Variants in SMARCAD1 observed in about 807,000 individuals in gnomAD.
The protein encoded by SMARCAD1 is SWI/SNF-related matrix-associated actin-dependent regulator of chromatin subfamily A containing DEAD/H box 1.
A neutral mutation model predicts 127.1 loss-of-function variants in SMARCAD1; 25 were observed. That is an observed-to-expected ratio of 0.20 (90% CI 0.14 to 0.27). The LOEUF is 0.27. Ranked by LOEUF, SMARCAD1 falls within the 10% of genes least tolerant of loss-of-function variation. SMARCAD1 has a pLI of 1.00. For missense variants in SMARCAD1, 807 were observed against 1,206.0 expected (o/e 0.67, Z 4.90); for synonymous variants, 400 against 396.9 (o/e 1.01, Z -0.09).
At chr4:94,289,341 G>A in intron 23 of SMARCAD1, 132 bp from the exon 24 acceptor site, 2 of 748,332 alleles carry the variant, frequency 2.7e-6, no homozygotes, top group Non-Finnish European at 4.6e-6. Context: ...TTTAACAGGG[G>A]TGAGTGACAC....
intron 16 of SMARCAD1, among the ~76,000 whole-genome samples, chr4:94,278,070 C>G (rs1325747229): frequency 1.3e-5 from 2 of 152,122 alleles, no homozygotes; most frequent in Non-Finnish European, 2.9e-5. Context: ...TTTTCTACCC[C>G]CCACGCTCCT....
Position 94,278,748 on chromosome 4 carries a change from T to C in SMARCAD1, c.2296+15T>C, listed in dbSNP as rs200528750. 8.1e-5 allele frequency: 131 copies of C among 1,611,380 alleles called. No individual in the cohort carries two copies. The highest frequency in any genetic ancestry group is 6.6e-4 in the Middle Eastern group (4 of 6,048). Reference sequence around the variant, plus strand: ...CAATAACTTGGGTATAATCTGATTTTTACTCTTTTATGTGAAAAAGAATCT... The same window carrying C: ...CAATAACTTGGGTATAATCTGATTTCTACTCTTTTATGTGAAAAAGAATCT... On this transcript the variant is annotated intron_variant, in intron 18 of 23. Transcript: ENST00000354268.
At chr4:94,226,841 AGTTAGGGTCAG>A (rs1271634481) in intron 3 of SMARCAD1, among the ~76,000 whole-genome samples, 4 of 151,714 alleles carry the variant, frequency 2.6e-5, no homozygotes, top group African/African-American at 9.7e-5. Context: ...AGGAATAGGG[AGTTAGGGTCAG>A]GGAATCGTTT....
chr4:94,275,800 T>TATTTTTTTTA (rs1309423240), intron 14 of SMARCAD1, among the ~76,000 whole-genome samples: 5 of 141,172 alleles, frequency 3.5e-5, no homozygotes, highest in African/African-American at 1.3e-4. Flanking sequence ...CATTTTCTTT[T>TATTTTTTTTA]TTTTTTTTTT....
chr4:94,212,771 G>A (rs966785618), intron 2 of SMARCAD1, among the ~76,000 whole-genome samples: 5 of 152,138 alleles, frequency 3.3e-5, no homozygotes, highest in Non-Finnish European at 2.9e-5. Flanking sequence ...ACAGACATGA[G>A]CCACCACACC....
At chr4:94,249,829 A>G (rs897426271) in intron 7 of SMARCAD1, 74 bp downstream of exon 7, 15 of 861,076 alleles carry the variant, frequency 1.7e-5, no homozygotes, top group Admixed American at 7.2e-5. Flanking sequence ...TAAGAGTTCA[A>G]CCACATAAAA....
At position 94,291,068 on chromosome 4, in the gene SMARCAD1, C is replaced by T. The variant is rs1329450155; in HGVS notation, c.*1534C>T. ...TACTACCTCCTTGTACATCACTATA[C>T]CCAAATCAGTTATTCAAATTGTTAG... On this transcript the variant is annotated 3_prime_UTR_variant, in exon 24 of 24. Transcript: ENST00000354268. The T allele has an allele frequency of 2.2e-6, 1 of 446,458 alleles. No individual in the cohort carries two copies. Among genetic ancestry groups the T allele is most frequent in the Non-Finnish European group, 4.5e-6 (1 of 223,902 alleles). The allele number at this position is 446,458 out of a possible 1,614,324, so 27.7% of individuals were successfully genotyped here. A position where few individuals can be genotyped will look rare whatever the true frequency, so the allele number is the denominator to read the frequency against.
At chr4:94,272,754 C>G (rs1436841899) in intron 11 of SMARCAD1, among the ~76,000 whole-genome samples, 1 of 151,968 alleles carries the variant, frequency 6.6e-6, no homozygotes, top group African/African-American at 2.4e-5. Context: ...ATTTGTTGAT[C>G]TTCTTCTGTT....
chr4:94,222,599 A>G (rs1231924351), intron 2 of SMARCAD1, among the ~76,000 whole-genome samples: 1 of 152,224 alleles, frequency 6.6e-6, no homozygotes, highest in African/African-American at 2.4e-5. Context: ...CATAATGGGA[A>G]GTAAGCCAAA....
rs771733240 is a variant in SMARCAD1 at position 94,208,337 on chromosome 4, C to G, written c.-49-9C>G. 1 of 1,550,522 alleles carries G rather than the reference C, an allele frequency of 6.4e-7. No homozygotes were observed. The highest frequency in any genetic ancestry group is 8.9e-7 in the Non-Finnish European group (1 of 1,123,812). On this transcript the variant is annotated splice_polypyrimidine_tract_variant and intron_variant, in intron 1 of 23. Coordinates refer to ENST00000354268, the MANE Select transcript of SMARCAD1 (RefSeq NM_020159.5). ...GGCCTTTTTTCCTCTCTTTATTTTT[C>G]CCCTGCAGATAGTTCATTTAAAGCC...
At chr4:94,215,085 T>C (rs1249429264) in intron 2 of SMARCAD1, among the ~76,000 whole-genome samples, 1 of 152,218 alleles carries the variant, frequency 6.6e-6, no homozygotes, top group Non-Finnish European at 1.5e-5. Flanking sequence ...ATGATGATAC[T>C]GAATGTATCA....
intron 9 of SMARCAD1, among the ~76,000 whole-genome samples, chr4:94,258,969 T>C (rs776477531): frequency 4.3e-4 from 66 of 152,254 alleles, no homozygotes; most frequent in Non-Finnish European, 9.0e-4. Context: ...AAACTATTCT[T>C]CTTTTTTTGT....
At chr4:94,246,310 G>A (rs1447935711) in intron 6 of SMARCAD1, among the ~76,000 whole-genome samples, 4 of 151,880 alleles carry the variant, frequency 2.6e-5, no homozygotes, top group South Asian at 2.1e-4. Flanking sequence ...TAGTAGAAAC[G>A]GTGTTTCACT....
intron 23 of SMARCAD1, among the ~76,000 whole-genome samples, chr4:94,287,228 C>T (rs1406810513): frequency 6.6e-6 from 1 of 152,154 alleles, no homozygotes; most frequent in Non-Finnish European, 1.5e-5. Context: ...AATGGCGTCT[C>T]TTATTTACTC....
chr4:94,234,785 C>T (rs1174130137), intron 4 of SMARCAD1, among the ~76,000 whole-genome samples: 1 of 152,146 alleles, frequency 6.6e-6, no homozygotes, highest in Non-Finnish European at 1.5e-5. Flanking sequence ...TTTGTATTTT[C>T]ACCTTTGTAT....
chr4:94,258,999 C>A (rs939366314), intron 9 of SMARCAD1, among the ~76,000 whole-genome samples: 11 of 152,206 alleles, frequency 7.2e-5, no homozygotes, highest in African/African-American at 2.4e-4. Context: ...ATATCCATGC[C>A]CACCCTATAG....
intron 2 of SMARCAD1, among the ~76,000 whole-genome samples, chr4:94,209,639 T>G (rs1382269206): frequency 6.6e-6 from 1 of 152,252 alleles, no homozygotes; most frequent in Non-Finnish European, 1.5e-5. Context: ...CAAGTTATCA[T>G]TAGAATAACA....
At chr4:94,210,518 A>G (rs1742033687) in intron 2 of SMARCAD1, among the ~76,000 whole-genome samples, 1 of 152,214 alleles carries the variant, frequency 6.6e-6, no homozygotes, top group Non-Finnish European at 1.5e-5. Context: ...TTGAAGGGAA[A>G]GAAAACATTT....
intron 2 of SMARCAD1, among the ~76,000 whole-genome samples, chr4:94,211,582 A>C (rs1009775021): frequency 6.6e-6 from 1 of 152,242 alleles, no homozygotes; most frequent in African/African-American, 2.4e-5. Context: ...CTTACAGGAC[A>C]GAAATTGTAT....
Sources: gnomAD v4.1 joint callset for allele counts (sites outside exome capture counted in the v4.1 genomes callset) on GRCh38, gnomAD v4.1.1 for gene constraint, MANE v1.5 for transcripts, NCBI Gene and HGNC (gene_info 2026-07-23, HGNC 2026-07-21) for gene names.